PYY: variants seen among roughly 807,000 people sequenced by gnomAD.
PYY encodes the protein peptide tyrosine tyrosine.
Under a neutral mutation model 10.3 loss-of-function variants are expected in PYY, and 12 were observed. The observed-to-expected ratio is 1.17, with a 90% CI of 0.75 to 1.89. The LOEUF is 1.89. PYY is among the 40% of genes most tolerant of loss of function. The pLI, the probability that PYY is intolerant of heterozygous loss-of-function variation, is 0.00. For synonymous variants in PYY, 66 were observed against 62.0 expected (o/e 1.06, Z -0.30); for missense variants, 141 against 134.0 (o/e 1.05, Z -0.26).
chr17:43,956,797 A>C (rs1325333577), upstream of PYY, among the ~76,000 whole-genome samples: 1 of 152,172 alleles, frequency 6.6e-6, no homozygotes, highest in African/African-American at 2.4e-5. Context: ...CTCCCCACAC[A>C]CAAGGCCTCA....
intron 1 of PYY, among the ~76,000 whole-genome samples, chr17:43,984,077 G>T (rs1268402223): frequency 6.6e-6 from 1 of 152,198 alleles, no homozygotes; most frequent in East Asian, 1.9e-4. Context: ...CGCGTTTATC[G>T]GGCCATCGCT....
At chr17:43,982,835 G>C (rs2048892085) in intron 1 of PYY, among the ~76,000 whole-genome samples, 1 of 152,218 alleles carries the variant, frequency 6.6e-6, no homozygotes, top group Non-Finnish European at 1.5e-5. Context: ...TCCTGGATAA[G>C]AGGGTTTCTT....
intron 1 of PYY, among the ~76,000 whole-genome samples, chr17:43,970,104 A>G (rs8073638): frequency 0.83 from 123,799 of 149,552 alleles, 51,530 homozygotes; most frequent in East Asian, 1. Flanking sequence ...GGGAGGCTGA[A>G]GTGGGGGAAT....
upstream of PYY, among the ~76,000 whole-genome samples, chr17:43,955,508 C>T (rs1230281248): frequency 6.6e-6 from 1 of 152,176 alleles, no homozygotes; most frequent in Non-Finnish European, 1.5e-5. Context: ...CTCCACATCC[C>T]AGGAAACACC....
chr17:43,952,997 G>A lies in PYY; in HGVS notation c.270-17C>T. The A allele has an allele frequency of 1.9e-6, 3 of 1,572,718 alleles. No individual in the cohort carries two copies. The highest frequency in any genetic ancestry group is 2.6e-6 in the Non-Finnish European group (3 of 1,158,042). Reference sequence around the variant, plus strand: ...CCCTCCGACCTGCGGAAGCGAAGGGGAAGGAATTGGATCTGGGGAGGCGAG... The same window carrying A: ...CCCTCCGACCTGCGGAAGCGAAGGGAAAGGAATTGGATCTGGGGAGGCGAG... On this transcript the variant is annotated splice_polypyrimidine_tract_variant and intron_variant, in intron 3 of 3. Transcript: ENST00000692052.
rs2048925545 is a variant in PYY at position 43,987,874 on chromosome 17, C to T, written c.-463+16517G>A. On this transcript the variant is annotated intron_variant, in intron 1 of 6. Transcript: ENST00000360085. The surrounding 1 kb of genome is among the most constrained non-coding windows in gnomAD (Gnocchi z 4.0). The stretch of plus-strand genomic sequence containing the variant: ...GGAGGAAGGGGGCAAGGATGGAGAA[C>T]GAGTGCTTCGGTAGCAGGGAGGGGC... Among the ~76,000 whole-genome samples, 1 of 152,182 alleles carries T rather than the reference C, an allele frequency of 6.6e-6. No homozygotes were observed.
intron 1 of PYY, among the ~76,000 whole-genome samples, chr17:43,982,456 G>C (rs1423852548): frequency 6.6e-6 from 1 of 152,262 alleles, no homozygotes; most frequent in African/African-American, 2.4e-5. Context: ...CTTAACTACA[G>C]TGTGAACCAT....
chr17:43,967,885 C>T (rs560504773), intron 1 of PYY, among the ~76,000 whole-genome samples: 4 of 152,028 alleles, frequency 2.6e-5, no homozygotes, highest in Non-Finnish European at 4.4e-5. Flanking sequence ...ACTGGGGCTA[C>T]GAGAGGGATC....
Position 43,989,202 on chromosome 17 carries a change from G to A in PYY, c.-463+15189C>T, listed in dbSNP as rs556599684. 8.5e-3 allele frequency among the ~76,000 whole-genome samples: 1,295 copies of A among 152,020 alleles called. 21 individuals carry two copies. Among genetic ancestry groups the A allele is most frequent in the African/African-American group, 0.029 (1,220 of 41,516 alleles). On this transcript the variant is annotated intron_variant, in intron 1 of 6. Coordinates refer to the PYY transcript ENST00000360085. Reference sequence around the variant, plus strand: ...ATCCTGGCTAACACGGTGAAACCCCGTCTCTGCTAAAAATACAAAAAATTA... The same window carrying A: ...ATCCTGGCTAACACGGTGAAACCCCATCTCTGCTAAAAATACAAAAAATTA...
rs576868264 is a variant in PYY at position 43,975,406 on chromosome 17, T to C, written c.-462-8874A>G. 3.9e-5 allele frequency among the ~76,000 whole-genome samples: 6 copies of C among 152,076 alleles called. No homozygotes were observed. The East Asian group carries it at 1.2e-3, about 29-fold the overall frequency. ...TAAAGCTCGTGTCACAGGCTTCTTTTGGCAATTAAACAGTGGGTAGGCTGA... is the reference window on the plus strand; with the variant it reads ...TAAAGCTCGTGTCACAGGCTTCTTTCGGCAATTAAACAGTGGGTAGGCTGA... On this transcript the variant is annotated intron_variant, in intron 1 of 6. Coordinates refer to the PYY transcript ENST00000360085.
At position 43,953,138 on chromosome 17, in the gene PYY, G is replaced by T. The variant is rs2048643311; in HGVS notation, c.240C>A (p.Pro80=). 6.2e-7 allele frequency: 1 copy of T among 1,613,974 alleles called. No individual in the cohort carries two copies. Among genetic ancestry groups the T allele is most frequent in the Non-Finnish European group, 8.5e-7 (1 of 1,179,916 alleles). Residue 80 remains proline (P), a synonymous_variant, in exon 3 of 4, where the codon CCC becomes CCA. Transcript: ENST00000692052. ...PDTLLSKTFF[P]DGEDRPVRSR... ...ACCTGACGGGGCGGTCCTCGCCGTC[G>T]GGGAAGAACGTTTTGGAAAGAAGCG...
intron 1 of PYY, among the ~76,000 whole-genome samples, chr17:43,971,844 A>T (rs1034600354): frequency 1.3e-5 from 2 of 152,114 alleles, no homozygotes; most frequent in African/African-American, 4.8e-5. Flanking sequence ...TCATAGAACA[A>T]AAGTTTTTAT....
At chr17:43,999,897 A>T (rs2049014876) in intron 1 of PYY, among the ~76,000 whole-genome samples, 2 of 152,138 alleles carry the variant, frequency 1.3e-5, no homozygotes, top group Admixed American at 6.5e-5. Flanking sequence ...GAAGGAAGGG[A>T]TGGGGCCTGT....
intron 1 of PYY, among the ~76,000 whole-genome samples, chr17:43,989,082 A>C (rs936531922): frequency 6.6e-6 from 1 of 151,786 alleles, no homozygotes. Flanking sequence ...AATTGTAAAA[A>C]ACACATAACA....
intron 1 of PYY, among the ~76,000 whole-genome samples, chr17:43,976,673 G>A (rs914050630): frequency 3.3e-5 from 5 of 152,182 alleles, no homozygotes; most frequent in Non-Finnish European, 5.9e-5. Context: ...TCAGGAGGCT[G>A]AGGCAGGAGA....
At chr17:44,001,998 G>A (rs543722028) in intron 1 of PYY, among the ~76,000 whole-genome samples, 4 of 152,282 alleles carry the variant, frequency 2.6e-5, no homozygotes, top group African/African-American at 9.6e-5. Flanking sequence ...ATTCTGAGAA[G>A]TGTGTGTGTG....
At chr17:43,956,512 T>C (rs1401815674), upstream of PYY, among the ~76,000 whole-genome samples, 2 of 151,834 alleles carry the variant, frequency 1.3e-5, no homozygotes, top group Non-Finnish European at 2.9e-5. Flanking sequence ...TCAGAAACAA[T>C]TGTTTTTGTA....
At chr17:43,961,141 G>C (rs1035990650) in intron 2 of PYY, among the ~76,000 whole-genome samples, 3 of 151,844 alleles carry the variant, frequency 2.0e-5, no homozygotes, top group African/African-American at 7.3e-5. Context: ...TGGGAGGATC[G>C]CTTGAGCCTG....
intron 2 of PYY, among the ~76,000 whole-genome samples, chr17:43,963,003 A>G (rs2048723050): frequency 6.6e-6 from 1 of 152,134 alleles, no homozygotes; most frequent in African/African-American, 2.4e-5. Context: ...GATCCAGATA[A>G]AAAGGGGAGA....
Sources: gnomAD v4.1 joint callset for allele counts (sites outside exome capture counted in the v4.1 genomes callset) on GRCh38, gnomAD v4.1.1 for gene constraint, Gnocchi (gnomAD v3.1) non-coding constraint, MANE v1.5 for transcripts, NCBI Gene and HGNC (gene_info 2026-07-23, HGNC 2026-07-21) for gene names.